L3MBTL4: variants seen among roughly 807,000 people sequenced by gnomAD.
L3MBTL4 encodes the protein L3MBTL histone methyl-lysine binding protein 4.
A neutral mutation model predicts 84.5 loss-of-function variants in L3MBTL4; 70 were observed. That is an observed-to-expected ratio of 0.83 (90% CI 0.68 to 1.01). The LOEUF is 1.01. Among genes scored for constraint, L3MBTL4 ranks in the 50% least tolerant of loss-of-function variants. The pLI is 0.00. For synonymous variants in L3MBTL4, 274 were observed against 259.8 expected (o/e 1.05, Z -0.52); for missense variants, 715 against 754.8 (o/e 0.95, Z 0.62).
intron 16 of L3MBTL4, chr18:6,080,132 G>A (rs2058023507): frequency 6.6e-6 from 1 of 152,272 alleles, no homozygotes; most frequent in South Asian, 2.1e-4. Flanking sequence ...CCAGCACAGT[G>A]TGCTAATTCA....
chr18:6,140,213 CCTT>C (rs1327943404), intron 13 of L3MBTL4, among the ~76,000 whole-genome samples: 7 of 152,280 alleles, frequency 4.6e-5, no homozygotes, highest in Admixed American at 2.0e-4. Context: ...CACTAATTTC[CCTT>C]CTTCTCTTCC....
chr18:6,071,669 G>A (rs79060913), intron 16 of L3MBTL4, among the ~76,000 whole-genome samples: 1 of 108,396 alleles, frequency 9.2e-6, no homozygotes. Flanking sequence ...AAGAAAGAAG[G>A]AAAAAAAGAA....
At chr18:6,229,792 G>C (rs1249445324) in intron 10 of L3MBTL4, among the ~76,000 whole-genome samples, 1 of 152,110 alleles carries the variant, frequency 6.6e-6, no homozygotes, top group Non-Finnish European at 1.5e-5. Context: ...ATAACTGCAA[G>C]GGTGTATTTG....
chr18:6,003,678 A>C (rs974218729), intron 16 of L3MBTL4, among the ~76,000 whole-genome samples: 2 of 152,106 alleles, frequency 1.3e-5, no homozygotes, highest in East Asian at 3.8e-4. Flanking sequence ...AGATTGAAAA[A>C]GATGGATATC....
chr18:6,154,592 A>C (rs1446141522), intron 13 of L3MBTL4, among the ~76,000 whole-genome samples: 1 of 152,136 alleles, frequency 6.6e-6, no homozygotes, highest in African/African-American at 2.4e-5. Flanking sequence ...TGGTATTTAA[A>C]AGTGCAGTGT....
rs1568367098 is a variant in L3MBTL4 at position 6,241,451 on chromosome 18, T to C, written c.461-2A>G. On this transcript the variant is annotated splice_acceptor_variant, in intron 7 of 18. Transcript: ENST00000317931. LOFTEE classifies it high-confidence loss of function. Reference sequence around the variant, plus strand: ...AAACAAATTTATCTTTTCTATAACCTAAAAAAAGCACAGATTACTCAAAAT... The same window carrying C: ...AAACAAATTTATCTTTTCTATAACCCAAAAAAAGCACAGATTACTCAAAAT... 1.3e-6 allele frequency: 2 copies of C among 1,524,398 alleles called. No individual in the cohort carries two copies. Among genetic ancestry groups the C allele is most frequent in the Non-Finnish European group, 1.8e-6 (2 of 1,109,386 alleles). The allele number at this position is 1,524,398 out of a possible 1,614,324, so 94.4% of individuals were successfully genotyped here. A position where few individuals can be genotyped will look rare whatever the true frequency, so the allele number is the denominator to read the frequency against.
At chr18:6,325,446 A>G (rs1252461055) in intron 1 of L3MBTL4, among the ~76,000 whole-genome samples, 1 of 152,184 alleles carries the variant, frequency 6.6e-6, no homozygotes, top group Non-Finnish European at 1.5e-5. Context: ...CAGCCTCCCC[A>G]GTAACTGAGA....
chr18:6,346,093 A>T lies in L3MBTL4; in HGVS notation c.-90-34037T>A, dbSNP rs1431858852. Among the ~76,000 whole-genome samples, 5 of 136,672 alleles carry T rather than the reference A, an allele frequency of 3.7e-5. No individual in the cohort carries two copies. The Admixed American group carries it at 3.7e-4, about 10-fold the overall frequency. The allele number at this position is 136,672 out of a possible 152,430, so 89.7% of individuals were successfully genotyped here. ...GGAGAAAGGACAGTCTCTTCAAGAA[A>T]TGATGTTGGAATATATATATATATA... On this transcript the variant is annotated intron_variant, in intron 1 of 18. Transcript: ENST00000317931.
chr18:6,308,457 A>T (rs1370865842), intron 3 of L3MBTL4, among the ~76,000 whole-genome samples: 1 of 152,216 alleles, frequency 6.6e-6, no homozygotes, highest in Non-Finnish European at 1.5e-5. Flanking sequence ...TGAACTGCAA[A>T]AGTATTCACG....
intron 10 of L3MBTL4, among the ~76,000 whole-genome samples, chr18:6,223,470 T>A (rs1224996247): frequency 6.6e-6 from 1 of 152,170 alleles, no homozygotes; most frequent in African/African-American, 2.4e-5. Context: ...TGAGCAAAGT[T>A]AAAAATGATG....
At chr18:6,410,654 C>G (rs1239549788) in intron 1 of L3MBTL4, among the ~76,000 whole-genome samples, 2 of 151,832 alleles carry the variant, frequency 1.3e-5, no homozygotes, top group Non-Finnish European at 3.0e-5. Context: ...TAAACACATT[C>G]TCTCTGGCTA....
intron 5 of L3MBTL4, among the ~76,000 whole-genome samples, chr18:6,244,904 A>C (rs1012005282): frequency 9.9e-5 from 15 of 152,196 alleles, no homozygotes; most frequent in African/African-American, 2.9e-4. Flanking sequence ...ATATGATTAT[A>C]ATTTGTCAAA....
At chr18:6,014,592 G>T (rs2054879120) in intron 16 of L3MBTL4, among the ~76,000 whole-genome samples, 1 of 152,148 alleles carries the variant, frequency 6.6e-6, no homozygotes, top group African/African-American at 2.4e-5. Context: ...CATGTGATCA[G>T]AAGCCAGAGG....
rs150449352 is a variant in L3MBTL4 at position 6,252,388 on chromosome 18, T to G, written c.220-7800A>C. On this transcript the variant is annotated intron_variant, in intron 5 of 18. Transcript: ENST00000317931. The stretch of plus-strand genomic sequence containing the variant: ...ACAGCCATAATCAATATCAAGCAAG[T>G]GTTAGATAAGCATATGGTGTGTTTT... 2.5e-3 allele frequency among the ~76,000 whole-genome samples: 387 copies of G among 151,946 alleles called. 2 individuals are homozygous for G. The highest frequency in any genetic ancestry group is 8.9e-3 in the African/African-American group (369 of 41,240).
chr18:6,058,778 G>A (rs546283033), intron 16 of L3MBTL4, among the ~76,000 whole-genome samples: 8 of 152,196 alleles, frequency 5.3e-5, no homozygotes, highest in African/African-American at 1.9e-4. Context: ...CTCTAAGGAT[G>A]GAAATGCCAC....
chr18:6,173,280 C>A (rs1194683625), intron 12 of L3MBTL4, among the ~76,000 whole-genome samples: 1 of 152,106 alleles, frequency 6.6e-6, no homozygotes, highest in African/African-American at 2.4e-5. Flanking sequence ...CAATAGGCAG[C>A]ACAGAAATGC....
At chr18:6,167,379 T>C (rs1286672697) in intron 13 of L3MBTL4, among the ~76,000 whole-genome samples, 1 of 151,954 alleles carries the variant, frequency 6.6e-6, no homozygotes, top group African/African-American at 2.4e-5. Context: ...GACAAAAAAA[T>C]AGAATTTTAG....
rs568265551 is a variant in L3MBTL4, at chr18:6,110,463, A to G, written c.1200-16935T>C. ...TATACATGTGTATGTGGGGGGTTGT[A>G]TGTGTGGCATGGGTGGGTGGGTGTG... On this transcript the variant is annotated intron_variant, in intron 14 of 18. Coordinates refer to ENST00000317931, the MANE Select transcript of L3MBTL4 (RefSeq NM_001330559.2). Among the ~76,000 whole-genome samples the G allele has an allele frequency of 1.9e-4, 28 of 150,756 alleles. No individual in the cohort carries two copies. The South Asian group carries it at 1.9e-3, about 10-fold the overall frequency.
chr18:6,330,863 C>T (rs1055221977), intron 1 of L3MBTL4, among the ~76,000 whole-genome samples: 2 of 152,146 alleles, frequency 1.3e-5, no homozygotes, highest in African/African-American at 2.4e-5. Context: ...TTTGCAGTTA[C>T]TAAACATTAA....
Sources: gnomAD v4.1 joint callset for allele counts (sites outside exome capture counted in the v4.1 genomes callset) on GRCh38, gnomAD v4.1.1 for gene constraint, MANE v1.5 for transcripts, NCBI Gene and HGNC (gene_info 2026-07-23, HGNC 2026-07-21) for gene names.